OR1J2: variants seen among roughly 807,000 people sequenced by gnomAD.
OR1J2 encodes olfactory receptor 1J2.
For missense variants in OR1J2, 304 were observed against 246.1 expected, an observed-to-expected ratio of 1.24 and a Z score of -1.57; for synonymous variants, 142 against 99.7, an observed-to-expected ratio of 1.42 and a Z score of -2.52.
the OR1J2 span, among the ~76,000 whole-genome samples, chr9:122,546,171 G>A: frequency 1.3e-5 from 2 of 152,138 alleles, no homozygotes; most frequent in Non-Finnish European, 2.9e-5. Flanking sequence ...ACATGATGTG[G>A]CAAAGGGATG....
chr9:122,522,273 G>A, the OR1J2 span, among the ~76,000 whole-genome samples: 1 of 152,178 alleles, frequency 6.6e-6, no homozygotes, highest in Non-Finnish European at 1.5e-5. Flanking sequence ...GACGTTTCAA[G>A]TGACCAGTGT....
the OR1J2 span, chr9:122,519,030 A>G: frequency 2.8e-6 from 2 of 723,396 alleles, no homozygotes; most frequent in Non-Finnish European, 4.7e-6. Flanking sequence ...AGACATTGGC[A>G]TATTCATCAG....
the OR1J2 span, among the ~76,000 whole-genome samples, chr9:122,569,616 TAC>T: frequency 1.1e-5 from 1 of 90,576 alleles, no homozygotes; most frequent in Non-Finnish European, 2.2e-5. Flanking sequence ...ATAAAATCTC[TAC>T]AGTGAACATA....
chr9:122,451,747 T>C, the OR1J2 span, among the ~76,000 whole-genome samples: 15 of 152,360 alleles, frequency 9.8e-5, no homozygotes, highest in African/African-American at 3.1e-4. Flanking sequence ...GTCAATTTCC[T>C]AGCCTTCTCA....
chr9:122,494,920 T>C, the OR1J2 span, among the ~76,000 whole-genome samples: 1 of 152,170 alleles, frequency 6.6e-6, no homozygotes, highest in African/African-American at 2.4e-5. Flanking sequence ...CTGGAAAAGA[T>C]TGTATCTTTC....
the OR1J2 span, among the ~76,000 whole-genome samples, chr9:122,451,467 G>A: frequency 1.3e-5 from 2 of 152,244 alleles, no homozygotes; most frequent in East Asian, 1.9e-4. Context: ...TTACAGGCGT[G>A]AGCCACCATG....
downstream of OR1J2, chr9:122,511,756 T>A (rs1249797574): frequency 1.3e-6 from 1 of 779,502 alleles, no homozygotes. Flanking sequence ...TCTGACTTTT[T>A]AAAAAATTAG....
the OR1J2 span, among the ~76,000 whole-genome samples, chr9:122,501,477 G>A: frequency 6.6e-6 from 1 of 152,176 alleles, no homozygotes; most frequent in African/African-American, 2.4e-5. Flanking sequence ...TCAGGGAACA[G>A]TTCCTCTCCT....
At chr9:122,468,534 T>C in the OR1J2 span, among the ~76,000 whole-genome samples, 1 of 150,622 alleles carries the variant, frequency 6.6e-6, no homozygotes, top group East Asian at 1.9e-4. Flanking sequence ...CATAAACTCT[T>C]TTTTTTTTCT....
At chr9:122,457,349 C>G in the OR1J2 span, among the ~76,000 whole-genome samples, 1 of 151,974 alleles carries the variant, frequency 6.6e-6, no homozygotes, top group Non-Finnish European at 1.5e-5. Context: ...AACAAACCTG[C>G]ACATGTATCC....
Position 122,511,671 on chromosome 9 carries a change from C to T in OR1J2, c.870C>T (p.Tyr290=), listed in dbSNP as rs1311497914. 1 of 781,084 alleles carries T rather than the reference C, an allele frequency of 1.3e-6. No homozygotes were observed. The highest frequency in any genetic ancestry group is 2.4e-6 in the Non-Finnish European group (1 of 418,128). 48.4% of individuals were successfully genotyped at this position (781,084 alleles called of 1,614,324 possible). A position where few individuals can be genotyped will look rare whatever the true frequency, so the allele number is the denominator to read the frequency against. Residue 290 remains tyrosine (Y), a synonymous_variant, in exon 1 of 1, where the codon TAC becomes TAT. Transcript: ENST00000335302. The part of the protein sequence containing the change: ...VVTPMLNPFI[Y]SLRNRDMKEA... Reference sequence around the variant, plus strand: ...CACCCATGTTGAACCCCTTTATCTACAGCCTTAGGAACAGGGACATGAAAG... The same window carrying T: ...CACCCATGTTGAACCCCTTTATCTATAGCCTTAGGAACAGGGACATGAAAG...
chr9:122,547,927 A>AT, the OR1J2 span, among the ~76,000 whole-genome samples: 1 of 152,052 alleles, frequency 6.6e-6, no homozygotes, highest in African/African-American at 2.4e-5. Context: ...TAAGTATTCA[A>AT]TTTTCTCTGT....
At chr9:122,493,945 A>G in the OR1J2 span, among the ~76,000 whole-genome samples, 1 of 152,100 alleles carries the variant, frequency 6.6e-6, no homozygotes, top group Non-Finnish European at 1.5e-5. Flanking sequence ...TGACACAACA[A>G]TCATTCAGGA....
the OR1J2 span, among the ~76,000 whole-genome samples, chr9:122,546,358 A>T: frequency 6.6e-6 from 1 of 152,154 alleles, no homozygotes; most frequent in Non-Finnish European, 1.5e-5. Context: ...TGACCAATAG[A>T]AGGCAGTGAA....
At chr9:122,476,923 G>A in the OR1J2 span, 1 of 909,832 alleles carries the variant, frequency 1.1e-6, no homozygotes, top group Non-Finnish European at 1.8e-6. Context: ...GGCCAGGCTG[G>A]TCTCGAACTC....
the OR1J2 span, among the ~76,000 whole-genome samples, chr9:122,569,725 A>C: frequency 1.5e-4 from 23 of 152,058 alleles, no homozygotes; most frequent in African/African-American, 5.5e-4. Context: ...CATGTGCACA[A>C]TGTGCAAGTT....
chr9:122,569,328 G>T, the OR1J2 span, among the ~76,000 whole-genome samples: 2 of 151,754 alleles, frequency 1.3e-5, no homozygotes, highest in Non-Finnish European at 2.9e-5. Flanking sequence ...TATCTTTTAC[G>T]TGTTAAAAAT....
At chr9:122,554,799 C>A in the OR1J2 span, among the ~76,000 whole-genome samples, 1 of 105,340 alleles carries the variant, frequency 9.5e-6, no homozygotes, top group East Asian at 2.2e-3. Context: ...AACTTAAAAG[C>A]ACTCTTCTGT....
At chr9:122,570,930 A>T in the OR1J2 span, among the ~76,000 whole-genome samples, 1 of 152,218 alleles carries the variant, frequency 6.6e-6, no homozygotes, top group Admixed American at 6.5e-5. Context: ...TTTTACATAC[A>T]GGAGGCTTAG....
Sources: gnomAD v4.1 joint callset for allele counts (sites outside exome capture counted in the v4.1 genomes callset) on GRCh38, gnomAD v4.1.1 for gene constraint, MANE v1.5 for transcripts, NCBI Gene and HGNC (gene_info 2026-07-23, HGNC 2026-07-21) for gene names.